Variants in SEMA5A observed in about 807,000 individuals in gnomAD.
The protein encoded by SEMA5A is semaphorin-5A.
A neutral mutation model predicts 135.5 loss-of-function variants in SEMA5A; 55 were observed. That is an observed-to-expected ratio of 0.41 (90% CI 0.33 to 0.51). The LOEUF is 0.51. SEMA5A is among the 20% of genes least tolerant of loss of function. The pLI, the probability that SEMA5A is intolerant of heterozygous loss-of-function variation, is 0.37. For missense variants in SEMA5A, 1,290 were observed against 1,419.9 expected, an observed-to-expected ratio of 0.91 and a Z score of 1.47; for synonymous variants, 580 against 546.5, an observed-to-expected ratio of 1.06 and a Z score of -0.85.
rs750112829 is a variant in SEMA5A, at chr5:9,043,049, G to T, written c.3106-33C>A. 3.7e-5 allele frequency: 57 copies of T among 1,557,570 alleles called. No homozygotes were observed. The Middle Eastern group carries it at 5.6e-4, about 15-fold the overall frequency. ...ATATATTAAAAAAAAACAGGTTTAAGAATGCTGAGTAGCATTTCAGAAATA... is the reference window on the plus strand; with the variant it reads ...ATATATTAAAAAAAAACAGGTTTAATAATGCTGAGTAGCATTTCAGAAATA... On this transcript the variant is annotated intron_variant, in intron 22 of 22. Coordinates refer to ENST00000382496, the MANE Select transcript of SEMA5A (RefSeq NM_003966.3).
At chr5:9,425,997 T>C (rs1188101416) in intron 2 of SEMA5A, among the ~76,000 whole-genome samples, 1 of 152,156 alleles carries the variant, frequency 6.6e-6, no homozygotes, top group African/African-American at 2.4e-5. Context: ...TGCATGCTTG[T>C]TGAGAAGATG....
intron 12 of SEMA5A, among the ~76,000 whole-genome samples, chr5:9,144,061 G>A (rs1451009370): frequency 6.6e-6 from 1 of 152,140 alleles, no homozygotes; most frequent in Non-Finnish European, 1.5e-5. Context: ...GTGTCTATGT[G>A]CTCAGGAAGA....
At chr5:9,134,195 A>C (rs1741600488) in intron 13 of SEMA5A, among the ~76,000 whole-genome samples, 1 of 152,168 alleles carries the variant, frequency 6.6e-6, no homozygotes, top group Admixed American at 6.5e-5. Context: ...AAAGCAGACT[A>C]ATACAAGTGG....
intron 3 of SEMA5A, among the ~76,000 whole-genome samples, chr5:9,360,469 T>C (rs1384552555): frequency 6.6e-6 from 1 of 152,252 alleles, no homozygotes; most frequent in Admixed American, 6.5e-5. Context: ...CTATCTCAAT[T>C]GTGTCCCCCA....
intron 1 of SEMA5A, among the ~76,000 whole-genome samples, chr5:9,520,906 C>A (rs1395534343): frequency 6.6e-6 from 1 of 152,170 alleles, no homozygotes; most frequent in East Asian, 1.9e-4. Flanking sequence ...GCACAGGATC[C>A]TGGCACAGAC....
intron 13 of SEMA5A, among the ~76,000 whole-genome samples, chr5:9,124,164 G>T (rs1314879271): frequency 6.6e-6 from 1 of 152,078 alleles, no homozygotes; most frequent in African/African-American, 2.4e-5. Flanking sequence ...GGGTCAGGGA[G>T]CCCCCTGAGC....
chr5:9,338,081 T>C (rs1753477073), intron 3 of SEMA5A, among the ~76,000 whole-genome samples: 1 of 152,330 alleles, frequency 6.6e-6, no homozygotes. Flanking sequence ...ATGTGCATTT[T>C]CCTTTTGGCT....
intron 5 of SEMA5A, among the ~76,000 whole-genome samples, chr5:9,308,070 A>G (rs1382792675): frequency 3.3e-5 from 5 of 152,218 alleles, no homozygotes; most frequent in Non-Finnish European, 5.9e-5. Context: ...ACTTCATTTC[A>G]GTGGCAGAGA....
At chr5:9,465,824 G>A (rs190253541) in intron 1 of SEMA5A, among the ~76,000 whole-genome samples, 44 of 152,236 alleles carry the variant, frequency 2.9e-4, no homozygotes, top group Middle Eastern at 3.4e-3. Context: ...ACTTTTTACT[G>A]TTTTGGGTCC....
rs141126192 is a variant in SEMA5A, at chr5:9,356,597, C to T, written c.125-18785G>A. On this transcript the variant is annotated intron_variant, in intron 3 of 22. Transcript: ENST00000382496. ...CAGACAAAAACAATTTTTATAGCCT[C>T]GGGAGCCCGTGTGGTGTGTGAGGAA... 4.6e-3 allele frequency among the ~76,000 whole-genome samples: 699 copies of T among 152,260 alleles called. 7 individuals carry two copies. Among genetic ancestry groups the T allele is most frequent in the Admixed American group, 4.8e-3 (73 of 15,290 alleles).
At chr5:9,131,171 TCA>T (rs1251305775) in intron 13 of SEMA5A, among the ~76,000 whole-genome samples, 2 of 152,214 alleles carry the variant, frequency 1.3e-5, no homozygotes, top group Non-Finnish European at 2.9e-5. Context: ...TTTATTTTGG[TCA>T]CAGTTTTGCA....
At chr5:9,487,631 T>A (rs765546633) in intron 1 of SEMA5A, among the ~76,000 whole-genome samples, 1 of 152,188 alleles carries the variant, frequency 6.6e-6, no homozygotes, top group Non-Finnish European at 1.5e-5. Flanking sequence ...TAAGTGAAAG[T>A]GTTAAGTGTG....
At chr5:9,276,186 C>T (rs534115008) in intron 5 of SEMA5A, among the ~76,000 whole-genome samples, 1 of 151,820 alleles carries the variant, frequency 6.6e-6, no homozygotes, top group African/African-American at 2.4e-5. Flanking sequence ...CAGAGAGCCA[C>T]ATCATGAGTG....
chr5:9,076,868 TTGTGTGTG>T (rs70943938), intron 16 of SEMA5A, among the ~76,000 whole-genome samples: 2,235 of 144,082 alleles, frequency 0.016, 50 homozygotes, highest in African/African-American at 0.054. Flanking sequence ...ATTACGATCT[TTGTGTGTG>T]TGTGTGTGTG....
intron 2 of SEMA5A, among the ~76,000 whole-genome samples, chr5:9,426,427 A>AATAATT (rs1757653314): frequency 7.0e-6 from 1 of 142,490 alleles, no homozygotes; most frequent in Non-Finnish European, 1.5e-5. Context: ...TCCATCTCAA[A>AATAATT]AAAATAAATA....
At chr5:9,154,945 T>C (rs1014572195) in intron 11 of SEMA5A, among the ~76,000 whole-genome samples, 3 of 152,124 alleles carry the variant, frequency 2.0e-5, no homozygotes, top group African/African-American at 7.2e-5. Flanking sequence ...ACTAATCATG[T>C]CCGATTGGAC....
At chr5:9,085,947 T>C (rs1024413247) in intron 16 of SEMA5A, among the ~76,000 whole-genome samples, 4 of 152,216 alleles carry the variant, frequency 2.6e-5, no homozygotes, top group Non-Finnish European at 5.9e-5. Context: ...GTGACCTGGA[T>C]GTGAGACATG....
chr5:9,410,981 C>G (rs1348101705), intron 2 of SEMA5A, among the ~76,000 whole-genome samples: 1 of 145,736 alleles, frequency 6.9e-6, no homozygotes, highest in Non-Finnish European at 1.5e-5. Context: ...TCCATCTGGA[C>G]TTTTTTTTTT....
intron 1 of SEMA5A, chr5:9,512,166 C>G (rs993412722): frequency 6.6e-6 from 1 of 152,174 alleles, no homozygotes; most frequent in Non-Finnish European, 1.5e-5. Context: ...CTCCACCTCC[C>G]TTGTCTCAAA....
Sources: gnomAD v4.1 joint callset for allele counts (sites outside exome capture counted in the v4.1 genomes callset) on GRCh38, gnomAD v4.1.1 for gene constraint, MANE v1.5 for transcripts, NCBI Gene and HGNC (gene_info 2026-07-23, HGNC 2026-07-21) for gene names.